Variants in RBM46 observed in about 807,000 individuals in gnomAD.
The protein encoded by RBM46 is RNA binding motif protein 46.
In RBM46, 12 loss-of-function variants were observed where a neutral mutation model predicts 43.3. The observed-to-expected ratio is 0.28, with a 90% CI of 0.18 to 0.45. The LOEUF (loss-of-function observed/expected upper bound fraction) is 0.45, where lower values mean the gene tolerates loss of function less well. Ranked by LOEUF, RBM46 falls within the 20% of genes least tolerant of loss-of-function variation. The probability of loss-of-function intolerance (pLI) is 1.00; values close to 1 mark genes in which losing one functional copy is unlikely to be tolerated. For missense variants in RBM46, 412 were observed against 639.1 expected (o/e 0.64, Z 3.83); for synonymous variants, 205 against 207.6 (o/e 0.99, Z 0.11).
chr4:154,816,129 A>G (rs1290619495), intron 4 of RBM46, among the ~76,000 whole-genome samples: 2 of 152,088 alleles, frequency 1.3e-5, no homozygotes, highest in Non-Finnish European at 2.9e-5. Flanking sequence ...CACCAATACC[A>G]TATTGTCTTA....
At position 154,798,779 on chromosome 4, in the gene RBM46, C is replaced by T; in HGVS notation, c.620-3C>T. 1 of 1,421,682 alleles carries T rather than the reference C, an allele frequency of 7.0e-7. No individual in the cohort carries two copies. The highest frequency in any genetic ancestry group is 1.7e-5 in the South Asian group (1 of 59,448). The allele number at this position is 1,421,682 out of a possible 1,614,324, so 88.1% of individuals were successfully genotyped here. On this transcript the variant is annotated splice_region_variant and splice_polypyrimidine_tract_variant and intron_variant, in intron 3 of 4. Coordinates refer to ENST00000281722, the MANE Select transcript of RBM46 (RefSeq NM_144979.5). ...TCTTCAAATTATTATTTTTTTTTTA[C>T]AGGAACATTCCAACTATGGGGCCAC...
At chr4:154,817,188 G>GA (rs1452534439) in intron 4 of RBM46, among the ~76,000 whole-genome samples, 1 of 151,974 alleles carries the variant, frequency 6.6e-6, no homozygotes, top group Admixed American at 6.6e-5. Context: ...ATTTATATAA[G>GA]ATTGGTGTTA....
intron 1 of RBM46, among the ~76,000 whole-genome samples, chr4:154,782,358 A>G (rs1733529851): frequency 6.6e-6 from 1 of 152,140 alleles, no homozygotes; most frequent in Non-Finnish European, 1.5e-5. Context: ...CTTAGGTAAT[A>G]TTTAAGTTCT....
At chr4:154,796,630 A>C in intron 1 of RBM46, 112 bp from the exon 2 acceptor site, 1 of 717,122 alleles carries the variant, frequency 1.4e-6, no homozygotes, top group Non-Finnish European at 2.2e-6. Context: ...GTGAAGGCTA[A>C]TCAAACATGC....
intron 1 of RBM46, among the ~76,000 whole-genome samples, chr4:154,783,098 C>CATTTGTTTGCATTGTTAATAAA (rs1733583223): frequency 1.3e-5 from 2 of 152,116 alleles, no homozygotes; most frequent in African/African-American, 2.4e-5. Context: ...CATCTGTCTG[C>CATTTGTTTGCATTGTTAATAAA]ATTTGTTTGC....
At chr4:154,809,723 C>G (rs907928308) in intron 4 of RBM46, among the ~76,000 whole-genome samples, 1 of 152,110 alleles carries the variant, frequency 6.6e-6, no homozygotes, top group Non-Finnish European at 1.5e-5. Flanking sequence ...CTAAGTATTA[C>G]ATTAGTCTGC....
chr4:154,811,667 GTC>G (rs58340872), intron 4 of RBM46, among the ~76,000 whole-genome samples: 4,819 of 122,186 alleles, frequency 0.039, 103 homozygotes, highest in East Asian at 0.11. Context: ...GTGTGTGTGT[GTC>G]TGTGTGTGTG....
intron 4 of RBM46, among the ~76,000 whole-genome samples, chr4:154,804,922 T>G (rs1198477099): frequency 6.6e-6 from 1 of 152,068 alleles, no homozygotes; most frequent in Non-Finnish European, 1.5e-5. Context: ...CATTGTTTTT[T>G]TGTTTAAGGA....
At chr4:154,787,992 G>C (rs1008237562) in intron 1 of RBM46, among the ~76,000 whole-genome samples, 1 of 152,186 alleles carries the variant, frequency 6.6e-6, no homozygotes, top group Admixed American at 6.5e-5. Context: ...CTTTTGAGAA[G>C]TGTCTGTTCA....
At chr4:154,793,592 A>C (rs1458549877) in intron 1 of RBM46, among the ~76,000 whole-genome samples, 1 of 152,192 alleles carries the variant, frequency 6.6e-6, no homozygotes, top group Non-Finnish European at 1.5e-5. Context: ...TGAAGGCTGA[A>C]GTGGTCTCTG....
chr4:154,810,572 T>C (rs1211764318), intron 4 of RBM46, among the ~76,000 whole-genome samples: 1 of 152,174 alleles, frequency 6.6e-6, no homozygotes, highest in Non-Finnish European at 1.5e-5. Flanking sequence ...GACTTAAGTC[T>C]AAAAGAGCAA....
At chr4:154,798,512 T>C (rs530938328) in intron 3 of RBM46, among the ~76,000 whole-genome samples, 78 of 152,342 alleles carry the variant, frequency 5.1e-4, no homozygotes, top group African/African-American at 1.9e-3. Context: ...CTGTTAATTG[T>C]TGTTTAATAA....
chr4:154,791,981 T>C (rs1287466018), intron 1 of RBM46, among the ~76,000 whole-genome samples: 1 of 152,128 alleles, frequency 6.6e-6, no homozygotes, highest in Non-Finnish European at 1.5e-5. Flanking sequence ...CTAAAAAAAA[T>C]TGTGAAAAAA....
chr4:154,806,991 G>A (rs1734937720), intron 4 of RBM46, among the ~76,000 whole-genome samples: 1 of 151,704 alleles, frequency 6.6e-6, no homozygotes, highest in Admixed American at 6.6e-5. Flanking sequence ...ACTTCTTAAT[G>A]TCTGGTTAAT....
chr4:154,788,700 G>T (rs1462479186), intron 1 of RBM46, among the ~76,000 whole-genome samples: 3 of 152,170 alleles, frequency 2.0e-5, no homozygotes, highest in Admixed American at 6.5e-5. Flanking sequence ...CTTTAAAGTA[G>T]TTTTTTCCCA....
intron 4 of RBM46, among the ~76,000 whole-genome samples, chr4:154,800,921 T>C (rs1221354520): frequency 2.0e-5 from 3 of 152,026 alleles, no homozygotes; most frequent in Non-Finnish European, 4.4e-5. Context: ...TTTTATATAT[T>C]GTTTAGGCTT....
intron 1 of RBM46, among the ~76,000 whole-genome samples, chr4:154,792,820 A>G (rs1734165702): frequency 1.3e-5 from 2 of 152,230 alleles, no homozygotes; most frequent in Non-Finnish European, 2.9e-5. Context: ...TTGGCATATC[A>G]TAAGAAATGA....
At chr4:154,781,719 C>G (rs1733476322) in intron 1 of RBM46, 1 of 152,574 alleles carries the variant, frequency 6.6e-6, no homozygotes, top group South Asian at 2.1e-4. Context: ...GCGGCCTCTT[C>G]CGCCCCGCGG....
chr4:154,782,150 C>T (rs1476210792), intron 1 of RBM46, among the ~76,000 whole-genome samples: 1 of 152,206 alleles, frequency 6.6e-6, no homozygotes, highest in Admixed American at 6.5e-5. Context: ...CCCCGACACA[C>T]GGACGGCAGC....
Sources: gnomAD v4.1 joint callset for allele counts (sites outside exome capture counted in the v4.1 genomes callset) on GRCh38, gnomAD v4.1.1 for gene constraint, MANE v1.5 for transcripts, NCBI Gene and HGNC (gene_info 2026-07-23, HGNC 2026-07-21) for gene names.